Variants in GPATCH1 observed in about 807,000 individuals in gnomAD.
GPATCH1 encodes the protein G patch domain-containing protein 1.
GPATCH1 carries 73 observed loss-of-function variants against 114.9 expected under a neutral mutation model. The ratio of observed to expected loss-of-function variants is 0.64; its 90% CI spans 0.53 to 0.77. GPATCH1 has a LOEUF of 0.77. GPATCH1 is among the 30% of genes least tolerant of loss of function. The pLI is 0.00. For synonymous variants in GPATCH1, 391 were observed against 428.4 expected (o/e 0.91, Z 1.08); for missense variants, 1,058 against 1,144.3 (o/e 0.92, Z 1.09).
Position 33,111,316 on chromosome 19 carries a change from G to A in GPATCH1, c.1586-408G>A, listed in dbSNP as rs1020267220. Among the ~76,000 whole-genome samples the A allele has an allele frequency of 6.0e-5, 9 of 151,218 alleles. 1 individual carries two copies. The South Asian group carries it at 1.5e-3, about 25-fold the overall frequency. On this transcript the variant is annotated intron_variant, in intron 11 of 19. Transcript: ENST00000170564. ...GGAGAATGGTGTGAACGTGGGAGGCGGAGCTTGCAGTAAGCAGAGATCATG... is the reference window on the plus strand; with the variant it reads ...GGAGAATGGTGTGAACGTGGGAGGCAGAGCTTGCAGTAAGCAGAGATCATG...
intron 3 of GPATCH1, among the ~76,000 whole-genome samples, chr19:33,092,689 C>A (rs963642622): frequency 3.9e-5 from 6 of 152,200 alleles, no homozygotes; most frequent in African/African-American, 1.4e-4. Flanking sequence ...TGACTCTAGG[C>A]CTGGCACTCA....
intron 1 of GPATCH1, 49 bp from the exon 2 acceptor site, chr19:33,088,085 C>A: frequency 9.0e-7 from 1 of 1,112,374 alleles, no homozygotes; most frequent in South Asian, 1.8e-5. Flanking sequence ...TTGAACCGAC[C>A]ATCTCCTCTC....
chr19:33,113,897 C>T lies in GPATCH1; in HGVS notation c.2023C>T (p.Pro675Ser). The change falls in exon 14 of 20, where the codon CCC becomes TCC. Residue 675 changes from proline to serine, a missense_variant. This residue lies in a region of GPATCH1 where 893 missense variants were observed against 977.4 expected (regional missense o/e 0.91). Coordinates refer to ENST00000170564, the MANE Select transcript of GPATCH1 (RefSeq NM_018025.3). ...SSEKVSQHRG[P>S]DKSRKPSRWD... ...TGAAAAAGTATCACAGCACCGAGGT[C>T]CCGACAGTGAGTAGGGCGTCCCCGG... 4 of 1,614,012 alleles carry T rather than the reference C, an allele frequency of 2.5e-6. No homozygotes were observed. The highest frequency in any genetic ancestry group is 3.4e-6 in the Non-Finnish European group (4 of 1,179,952).
intron 17 of GPATCH1, among the ~76,000 whole-genome samples, 187 bp from the exon 18 acceptor site, chr19:33,124,918 C>T (rs1184997233): frequency 6.6e-6 from 1 of 152,090 alleles, no homozygotes; most frequent in African/African-American, 2.4e-5. Context: ...CTAAGTACAA[C>T]TCTGCAAGGT....
At chr19:33,088,072 A>T in intron 1 of GPATCH1, 62 bp from the exon 2 acceptor site, 1 of 978,616 alleles carries the variant, frequency 1.0e-6, no homozygotes, top group Non-Finnish European at 1.5e-6. Context: ...ATTTTCCCTA[A>T]ATTTGAACCG....
Position 33,101,483 on chromosome 19 carries a change from A to G in GPATCH1, c.1001-12A>G. 6.7e-7 allele frequency: 1 copy of G among 1,481,986 alleles called. No homozygotes were observed. The highest frequency in any genetic ancestry group is 9.4e-7 in the Non-Finnish European group (1 of 1,060,686). The allele number at this position is 1,481,986 out of a possible 1,614,324, so 91.8% of individuals were successfully genotyped here. On this transcript the variant is annotated splice_polypyrimidine_tract_variant and intron_variant, in intron 8 of 19. Transcript: ENST00000170564. ...TCTACTTCTGGAATTAATCTATGAC[A>G]TCATTTTGTAGAATCAGAGAAAGAC... is the stretch of plus-strand genomic sequence containing the variant.
Position 33,109,851 on chromosome 19 carries a change from G to A in GPATCH1, c.1420G>A (p.Ala474Thr), listed in dbSNP as rs201960625. The part of the protein sequence containing the change: ...SLAQNAQSSR[A>T]QLSPAAAAGH... ...GGCCCAGAACGCTCAGAGCAGCAGA[G>A]CCCAGCTCTCCCCTGCAGCGGCTGC... The change falls in exon 11 of 20, where the codon GCC (alanine) becomes ACC (threonine). Residue 474 changes from alanine to threonine, a missense_variant. By Grantham distance (58) the Ala-to-Thr change is moderately conservative. Transcript: ENST00000170564. The A allele has an allele frequency of 1.5e-5, 25 of 1,614,152 alleles. No individual in the cohort carries two copies. The East Asian group carries it at 5.6e-4, about 36-fold the overall frequency.
In GPATCH1 at chr19:33,083,685, G is replaced by A. The variant is rs141842428; in HGVS notation, c.73+2419G>A. On this transcript the variant is annotated intron_variant, in intron 1 of 19. Transcript: ENST00000170564. ...GTTGGAATTACAGGCGTGAGCCATT[G>A]CATGTGGCCCCCAACCTTGCTTTTG... is the stretch of plus-strand genomic sequence containing the variant. Among the ~76,000 whole-genome samples the A allele has an allele frequency of 3.2e-3, 487 of 151,152 alleles. 4 individuals are homozygous for A. The highest frequency in any genetic ancestry group is 0.011 in the African/African-American group (459 of 41,206).
chr19:33,112,283 T>G (rs1279532745), intron 12 of GPATCH1, among the ~76,000 whole-genome samples: 1 of 152,064 alleles, frequency 6.6e-6, no homozygotes, highest in Non-Finnish European at 1.5e-5. Flanking sequence ...ATATTTTTAA[T>G]CCCTTGGTGA....
At chr19:33,085,932 C>T (rs1010464750) in intron 1 of GPATCH1, among the ~76,000 whole-genome samples, 2 of 152,146 alleles carry the variant, frequency 1.3e-5, no homozygotes, top group Non-Finnish European at 2.9e-5. Flanking sequence ...GATCTTATCT[C>T]CCCTTTGAGA....
At position 33,117,960 on chromosome 19, in the gene GPATCH1, G is replaced by T; in HGVS notation, c.2332G>T (p.Asp778Tyr). ...CGAGGATGAGCAAGGTGACAGTGAA[G>T]ATGATCAGGCAGGCTCTGGGGAGGC... ...SSEDEQGDSE[D>Y]DQAGSGEANF... Residue 778 changes from aspartate to tyrosine, a missense_variant, in exon 16 of 20, where the codon GAT (aspartate) becomes TAT (tyrosine). By Grantham distance (160) the Asp-to-Tyr change is radical (BLOSUM62 -3). Coordinates refer to ENST00000170564, the MANE Select transcript of GPATCH1 (RefSeq NM_018025.3). The T allele has an allele frequency of 6.2e-7, 1 of 1,613,928 alleles. No individual in the cohort carries two copies. The highest frequency in any genetic ancestry group is 8.5e-7 in the Non-Finnish European group (1 of 1,179,994).
chr19:33,127,377 C>T (rs1973053556), intron 19 of GPATCH1, among the ~76,000 whole-genome samples: 1 of 151,536 alleles, frequency 6.6e-6, no homozygotes, highest in African/African-American at 2.4e-5. Flanking sequence ...ATTAGCTGGG[C>T]GTGGAGCGTG....
At chr19:33,128,004 C>G (rs1288364196) in intron 19 of GPATCH1, among the ~76,000 whole-genome samples, 5 of 152,162 alleles carry the variant, frequency 3.3e-5, no homozygotes. Flanking sequence ...GTGTGAACCA[C>G]CATGCCTGGC....
At chr19:33,084,330 T>A (rs1972512195) in intron 1 of GPATCH1, among the ~76,000 whole-genome samples, 1 of 152,182 alleles carries the variant, frequency 6.6e-6, no homozygotes. Context: ...GGCTGAACTT[T>A]ATAGACACAT....
At chr19:33,121,015 A>T (rs562809198) in intron 17 of GPATCH1, among the ~76,000 whole-genome samples, 69 of 151,808 alleles carry the variant, frequency 4.5e-4, no homozygotes, top group Middle Eastern at 3.4e-3. Flanking sequence ...TAATTAATTT[A>T]AAAAAAATTA....
intron 3 of GPATCH1, among the ~76,000 whole-genome samples, chr19:33,092,625 C>T (rs1972609042): frequency 6.6e-6 from 1 of 152,182 alleles, no homozygotes; most frequent in Non-Finnish European, 1.5e-5. Context: ...AGGAAACGTG[C>T]CAATGGTTGG....
intron 15 of GPATCH1, among the ~76,000 whole-genome samples, chr19:33,116,173 C>T (rs1341991707): frequency 1.3e-5 from 2 of 152,160 alleles, no homozygotes; most frequent in Admixed American, 6.6e-5. Flanking sequence ...ACTCTCCTCC[C>T]TCTATGCTGT....
intron 4 of GPATCH1, among the ~76,000 whole-genome samples, chr19:33,093,723 G>T (rs1441825568): frequency 6.6e-6 from 1 of 152,108 alleles, no homozygotes; most frequent in African/African-American, 2.4e-5. Context: ...TGTGCTGCTG[G>T]GGCTCTCAGA....
At chr19:33,123,345 A>G (rs1973006502) in intron 17 of GPATCH1, among the ~76,000 whole-genome samples, 1 of 151,636 alleles carries the variant, frequency 6.6e-6, no homozygotes, top group South Asian at 2.1e-4. Flanking sequence ...GGTTGGGGTG[A>G]GCTGAGATCG....
Sources: gnomAD v4.1 joint callset for allele counts (sites outside exome capture counted in the v4.1 genomes callset) on GRCh38, gnomAD v4.1.1 for gene constraint, gnomAD v4.1.1 regional missense constraint, MANE v1.5 for transcripts, NCBI Gene and HGNC (gene_info 2026-07-23, HGNC 2026-07-21) for gene names.